Variants in CDH8 observed in about 807,000 individuals in gnomAD.
CDH8 encodes cadherin-8.
Under a neutral mutation model 68.1 loss-of-function variants are expected in CDH8, and 17 were observed. The ratio of observed to expected loss-of-function variants is 0.25; its 90% confidence interval spans 0.17 to 0.37. The LOEUF (loss-of-function observed/expected upper bound fraction) is 0.37. CDH8 is among the 10% of genes least tolerant of loss of function. CDH8 has a pLI of 1.00. For missense variants in CDH8, 763 were observed against 999.3 expected (o/e 0.76, Z 3.19); for synonymous variants, 372 against 365.1 (o/e 1.02, Z -0.21).
chr16:61,901,872 T>C (rs922219427), intron 2 of CDH8, among the ~76,000 whole-genome samples: 1 of 152,264 alleles, frequency 6.6e-6, no homozygotes, highest in Non-Finnish European at 1.5e-5. Flanking sequence ...CATATAATCA[T>C]ATCCTTTTTA....
intron 2 of CDH8, among the ~76,000 whole-genome samples, chr16:61,937,402 T>C (rs566604009): frequency 6.6e-6 from 1 of 152,172 alleles, no homozygotes; most frequent in East Asian, 1.9e-4. Flanking sequence ...ATAGCAAAAA[T>C]CAAACTGACA....
intron 8 of CDH8, among the ~76,000 whole-genome samples, chr16:61,751,626 A>G (rs1479651280): frequency 6.6e-6 from 1 of 151,948 alleles, no homozygotes; most frequent in Admixed American, 6.6e-5. Context: ...GCATAAAAAC[A>G]CTGTAGTGAC....
intron 8 of CDH8, among the ~76,000 whole-genome samples, chr16:61,758,978 C>A (rs1960392788): frequency 6.6e-6 from 1 of 152,102 alleles, no homozygotes; most frequent in Admixed American, 6.5e-5. Flanking sequence ...TAACGAACTC[C>A]CACATGCTTA....
intron 4 of CDH8, among the ~76,000 whole-genome samples, chr16:61,841,130 T>G (rs1355796948): frequency 6.6e-6 from 1 of 152,158 alleles, no homozygotes; most frequent in Non-Finnish European, 1.5e-5. Flanking sequence ...TTAGATTGCT[T>G]CCAAATTTTA....
chr16:61,876,495 A>G (rs1180129455), intron 3 of CDH8, among the ~76,000 whole-genome samples: 2 of 151,996 alleles, frequency 1.3e-5, no homozygotes, highest in African/African-American at 2.4e-5. Context: ...TAATGCCAAG[A>G]CCCCTGGACA....
intron 7 of CDH8, among the ~76,000 whole-genome samples, chr16:61,795,590 T>G (rs1961478048): frequency 6.6e-6 from 1 of 152,102 alleles, no homozygotes; most frequent in Non-Finnish European, 1.5e-5. Context: ...ATATAAATGA[T>G]GAGCCAATTC....
chr16:61,696,551 G>T (rs1964331388), intron 10 of CDH8, among the ~76,000 whole-genome samples: 1 of 152,158 alleles, frequency 6.6e-6, no homozygotes, highest in South Asian at 2.1e-4. Flanking sequence ...TAAGTCTGGA[G>T]ATTTCTCAAA....
At chr16:61,669,687 T>TG (rs1963752852) in intron 10 of CDH8, among the ~76,000 whole-genome samples, 1 of 152,032 alleles carries the variant, frequency 6.6e-6, no homozygotes, top group African/African-American at 2.4e-5. Context: ...TCCCATACAC[T>TG]GTGGTCCGCT....
intron 6 of CDH8, 133 bp downstream of exon 6, chr16:61,820,793 C>T: frequency 1.5e-6 from 1 of 675,392 alleles, no homozygotes; most frequent in Non-Finnish European, 2.5e-6. Flanking sequence ...TACTAGTTAT[C>T]TTGTCTTACT....
chr16:61,854,417 C>T (rs1308170059), intron 4 of CDH8, among the ~76,000 whole-genome samples: 1 of 152,024 alleles, frequency 6.6e-6, no homozygotes, highest in African/African-American at 2.4e-5. Context: ...TTGTTTTGGT[C>T]AAGATGTTGT....
chr16:61,710,208 C>T (rs1964606195), intron 10 of CDH8, among the ~76,000 whole-genome samples: 1 of 152,038 alleles, frequency 6.6e-6, no homozygotes, highest in East Asian at 1.9e-4. Context: ...ATCCTGGTGT[C>T]ACAGATTAGA....
intron 2 of CDH8, among the ~76,000 whole-genome samples, chr16:61,917,329 CTG>C (rs1488644291): frequency 1.3e-5 from 2 of 152,102 alleles, no homozygotes; most frequent in African/African-American, 4.8e-5. Context: ...TCAAGAATAA[CTG>C]TAGAATGTGA....
intron 2 of CDH8, among the ~76,000 whole-genome samples, chr16:61,907,614 G>C (rs1964083940): frequency 6.6e-6 from 1 of 151,756 alleles, no homozygotes; most frequent in African/African-American, 2.4e-5. Flanking sequence ...TGGGTGTCAA[G>C]GCTGCAGTAA....
chr16:61,773,713 C>A (rs1043131399), intron 8 of CDH8, among the ~76,000 whole-genome samples: 2 of 152,056 alleles, frequency 1.3e-5, no homozygotes, highest in Non-Finnish European at 2.9e-5. Context: ...ATATTAGTTT[C>A]TTTTTTCTTA....
intron 3 of CDH8, among the ~76,000 whole-genome samples, chr16:61,858,143 A>G (rs534079279): frequency 2.0e-5 from 3 of 152,064 alleles, no homozygotes; most frequent in East Asian, 1.9e-4. Context: ...TTCGAGGGGG[A>G]ATAAGAGGAG....
intron 2 of CDH8, among the ~76,000 whole-genome samples, chr16:61,982,359 A>G (rs1429172831): frequency 6.6e-6 from 1 of 152,102 alleles, no homozygotes; most frequent in Non-Finnish European, 1.5e-5. Flanking sequence ...AGCTGGGACT[A>G]CAGGCGCCCG....
At chr16:61,995,386 T>C (rs1965791193) in intron 2 of CDH8, among the ~76,000 whole-genome samples, 1 of 149,112 alleles carries the variant, frequency 6.7e-6, no homozygotes, top group East Asian at 2.0e-4. Flanking sequence ...TTACTTTCAC[T>C]TTTTTTTTTG....
chr16:61,913,056 A>G (rs896365244), intron 2 of CDH8, among the ~76,000 whole-genome samples: 2 of 152,174 alleles, frequency 1.3e-5, no homozygotes, highest in African/African-American at 4.8e-5. Flanking sequence ...AATATCCCTT[A>G]TGCTAAATGT....
At chr16:61,866,106 ACCAGC>A (rs1164293217) in intron 3 of CDH8, among the ~76,000 whole-genome samples, 6 of 544 alleles carry the variant, frequency 0.011, no homozygotes, top group African/African-American at 0.031. Flanking sequence ...AGTCCCAGCT[ACCAGC>A]TACTTGGGAG....
Sources: allele counts gnomAD v4.1 joint callset (sites outside exome capture counted in the v4.1 genomes callset), GRCh38; gene constraint gnomAD v4.1.1; transcripts MANE v1.5; gene names NCBI Gene and HGNC (gene_info 2026-07-23, HGNC 2026-07-21).